The following NRXN3 variants were observed in gnomAD, a reference collection of about 807,000 sequenced individuals.
NRXN3 encodes neurexin 3, also known as neurexin III.
A neutral mutation model predicts 137.6 loss-of-function variants in NRXN3; 32 were observed. That is an observed-to-expected ratio of 0.23 (90% CI 0.18 to 0.31). The LOEUF (loss-of-function observed/expected upper bound fraction) is 0.31, where lower values mean the gene tolerates loss of function less well. Ranked by LOEUF, NRXN3 falls within the 10% of genes least tolerant of loss-of-function variation. The pLI is 1.00. For missense variants in NRXN3, 1,574 were observed against 2,062.5 expected (o/e 0.76, Z 4.59); for synonymous variants, 798 against 784.5 (o/e 1.02, Z -0.29).
chr14:79,171,384 A>G (rs913326452), intron 15 of NRXN3, among the ~76,000 whole-genome samples: 1 of 152,142 alleles, frequency 6.6e-6, no homozygotes, highest in African/African-American at 2.4e-5. Flanking sequence ...ACGTGTATAC[A>G]GTAGTTGAAA....
chr14:78,547,523 G>A (rs1416931640), intron 4 of NRXN3, among the ~76,000 whole-genome samples: 3 of 151,972 alleles, frequency 2.0e-5, no homozygotes, highest in Non-Finnish European at 2.9e-5. Context: ...AGTAGCCGAT[G>A]GGATCCTAAT....
chr14:79,214,692 G>A (rs1401514316), intron 15 of NRXN3, among the ~76,000 whole-genome samples: 1 of 152,140 alleles, frequency 6.6e-6, no homozygotes, highest in Non-Finnish European at 1.5e-5. Flanking sequence ...CTAGTTCTAT[G>A]AATAGGATAT....
intron 20 of NRXN3, among the ~76,000 whole-genome samples, chr14:79,817,796 T>C (rs2140966007): frequency 6.6e-6 from 1 of 152,308 alleles, no homozygotes; most frequent in South Asian, 2.1e-4. Flanking sequence ...AGTCTGTGTA[T>C]TGAATGTATT....
intron 15 of NRXN3, among the ~76,000 whole-genome samples, chr14:79,178,252 T>C (rs983003666): frequency 6.6e-6 from 1 of 152,230 alleles, no homozygotes; most frequent in African/African-American, 2.4e-5. Flanking sequence ...AATACTTACA[T>C]GCAATTTTTT....
intron 16 of NRXN3, among the ~76,000 whole-genome samples, chr14:79,485,830 G>T (rs77811937): frequency 3.3e-5 from 5 of 152,078 alleles, no homozygotes; most frequent in Admixed American, 1.3e-4. Context: ...ATATTTTAAC[G>T]TACTGTTAGA....
chr14:78,406,195 C>T (rs1478313794), intron 4 of NRXN3, among the ~76,000 whole-genome samples: 1 of 152,152 alleles, frequency 6.6e-6, no homozygotes, highest in Non-Finnish European at 1.5e-5. Flanking sequence ...ACAAAAAAGC[C>T]CAATCCAAAC....
chr14:79,845,561 A>G (rs2099365433), intron 20 of NRXN3, among the ~76,000 whole-genome samples: 1 of 139,588 alleles, frequency 7.2e-6, no homozygotes, highest in East Asian at 2.2e-4. Flanking sequence ...GGATAGACAG[A>G]GAGAGAGAGA....
At chr14:78,287,394 C>A (rs1187163166) in intron 3 of NRXN3, among the ~76,000 whole-genome samples, 5 of 152,182 alleles carry the variant, frequency 3.3e-5, no homozygotes, top group Non-Finnish European at 5.9e-5. Context: ...CAGTGTCTTA[C>A]TCTTTGAGAA....
chr14:78,605,085 A>G (rs971557065), intron 4 of NRXN3, among the ~76,000 whole-genome samples: 6 of 152,170 alleles, frequency 3.9e-5, no homozygotes, highest in Non-Finnish European at 7.4e-5. Context: ...GTACAAGGCA[A>G]AGGATTTCGA....
chr14:78,610,859 A>G (rs2097295094), intron 4 of NRXN3, among the ~76,000 whole-genome samples: 2 of 152,228 alleles, frequency 1.3e-5, no homozygotes, highest in Non-Finnish European at 2.9e-5. Context: ...AGTTGAGAGG[A>G]AATGCAGAGG....
chr14:79,166,861 C>G lies in NRXN3; in HGVS notation c.3262+178720C>G, dbSNP rs138512210. ...ACACTAATCTTAACATTCAGATTTG[C>G]TATGAGAATTGCATATGGTTATCTT... On this transcript the variant is annotated intron_variant, in intron 15 of 20. Coordinates refer to ENST00000335750, the MANE Select transcript of NRXN3 (RefSeq NM_001330195.2). Among the ~76,000 whole-genome samples, 72 of 152,048 alleles carry G rather than the reference C, an allele frequency of 4.7e-4. 1 individual carries two copies. Among genetic ancestry groups the G allele is most frequent in the African/African-American group, 1.7e-3 (71 of 41,520 alleles).
chr14:78,850,040 G>A (rs954418577), intron 10 of NRXN3, among the ~76,000 whole-genome samples: 1 of 152,126 alleles, frequency 6.6e-6, no homozygotes, highest in Non-Finnish European at 1.5e-5. Context: ...AAGGCAAAAT[G>A]TAATCACTTC....
intron 17 of NRXN3, among the ~76,000 whole-genome samples, chr14:79,681,013 C>T (rs919030151): frequency 7.9e-5 from 12 of 152,170 alleles, no homozygotes; most frequent in African/African-American, 2.9e-4. Flanking sequence ...CAACCTTTCT[C>T]CAATTTTCCT....
chr14:78,831,514 G>A (rs561828805), intron 10 of NRXN3, among the ~76,000 whole-genome samples: 19 of 127,900 alleles, frequency 1.5e-4, no homozygotes, highest in Non-Finnish European at 2.6e-4. Flanking sequence ...CAGCCTGGGT[G>A]ACAGAGGGAG....
chr14:78,449,799 G>A (rs185124616), intron 4 of NRXN3, among the ~76,000 whole-genome samples: 32 of 152,320 alleles, frequency 2.1e-4, no homozygotes, highest in Non-Finnish European at 4.1e-4. Context: ...TATGGATGAT[G>A]CAAATAAGGC....
intron 10 of NRXN3, among the ~76,000 whole-genome samples, chr14:78,949,391 G>C (rs1393014534): frequency 6.6e-6 from 1 of 152,054 alleles, no homozygotes; most frequent in Non-Finnish European, 1.5e-5. Flanking sequence ...AATACAGTCT[G>C]CAGCTCTCTT....
chr14:78,484,519 T>C (rs1284998149), intron 4 of NRXN3, among the ~76,000 whole-genome samples: 11 of 152,144 alleles, frequency 7.2e-5, no homozygotes, highest in Non-Finnish European at 4.4e-5. Flanking sequence ...TAGTTTCTTT[T>C]TTTCTGGGGG....
At chr14:79,186,172 T>C (rs924234902) in intron 15 of NRXN3, among the ~76,000 whole-genome samples, 1 of 152,174 alleles carries the variant, frequency 6.6e-6, no homozygotes, top group Non-Finnish European at 1.5e-5. Context: ...AGCCATTCTA[T>C]TTTATTCCAT....
chr14:79,694,486 A>G (rs1454652234), intron 18 of NRXN3, among the ~76,000 whole-genome samples: 1 of 151,872 alleles, frequency 6.6e-6, no homozygotes, highest in African/African-American at 2.4e-5. Flanking sequence ...AAGATAAAAT[A>G]GTTCTCAGAT....
Sources: allele counts gnomAD v4.1 joint callset (sites outside exome capture counted in the v4.1 genomes callset), GRCh38; gene constraint gnomAD v4.1.1; transcripts MANE v1.5; gene names NCBI Gene and HGNC (gene_info 2026-07-23, HGNC 2026-07-21).